GRK1: variants seen among roughly 807,000 people sequenced by gnomAD.
The protein encoded by GRK1 is rhodopsin kinase GRK1.
Under a neutral mutation model 41.7 loss-of-function variants are expected in GRK1, and 28 were observed. That is an observed-to-expected ratio of 0.67 (90% CI 0.50 to 0.92). The LOEUF is 0.92. Ranked by LOEUF, GRK1 falls within the 40% of genes least tolerant of loss-of-function variation. GRK1 has a pLI of 0.00. For missense variants in GRK1, 703 were observed against 671.2 expected (o/e 1.05, Z -0.52); for synonymous variants, 327 against 286.7 (o/e 1.14, Z -1.42).
At chr13:113,733,778 C>CGT in intron 6 of GRK1, among the ~76,000 whole-genome samples, 2 of 89,492 alleles carry the variant, frequency 2.2e-5, no homozygotes, top group East Asian at 2.6e-4. Flanking sequence ...TGTGTGCATA[C>CGT]GTGTGTGCAT....
Position 113,731,467 on chromosome 13 carries a change from G to C in GRK1, c.1194+124G>C. ...AGTTGTTCTGTGGGCCCTGGGGTGG[G>C]GAGGGCACAGATTCACGTGCTGGGG... On this transcript the variant is annotated intron_variant, in intron 5 of 6. Coordinates refer to ENST00000335678, the MANE Select transcript of GRK1 (RefSeq NM_002929.3). The surrounding 1 kb of genome is among the most constrained non-coding windows in gnomAD (Gnocchi z 5.6). 1.5e-6 allele frequency: 2 copies of C among 1,356,878 alleles called. No homozygotes were observed. Among genetic ancestry groups the C allele is most frequent in the Non-Finnish European group, 2.0e-6 (2 of 1,009,658 alleles). The allele number at this position is 1,356,878 out of a possible 1,614,324, so 84.1% of individuals were successfully genotyped here.
chr13:113,729,703 C>A lies in GRK1; in HGVS notation c.1070-1516C>A, dbSNP rs556993886. Among the ~76,000 whole-genome samples the A allele has an allele frequency of 1.2e-3, 187 of 152,314 alleles. 1 individual carries two copies. The Middle Eastern group carries it at 0.024, about 19-fold the overall frequency. ...AGAGCAGCTGCACACAGAGCTGTCC[C>A]TCCGCCCTCTGTCCTGTGACGGTCC... is the stretch of plus-strand genomic sequence containing the variant. On this transcript the variant is annotated intron_variant, in intron 4 of 6. Transcript: ENST00000335678.
intron 4 of GRK1, among the ~76,000 whole-genome samples, chr13:113,725,147 G>T (rs2049882921): frequency 6.6e-6 from 1 of 150,832 alleles, no homozygotes; most frequent in Non-Finnish European, 1.5e-5. Flanking sequence ...CGCAGGGTCC[G>T]CATCCTTCTT....
At chr13:113,723,306 G>C (rs1032053007) in intron 4 of GRK1, 149 bp downstream of exon 4, 2 of 512,178 alleles carry the variant, frequency 3.9e-6, no homozygotes, top group Non-Finnish European at 7.1e-6. Flanking sequence ...TTGTGCATTT[G>C]TGTGCATGTG....
At chr13:113,729,160 C>A (rs1389923048) in intron 4 of GRK1, among the ~76,000 whole-genome samples, 1 of 152,154 alleles carries the variant, frequency 6.6e-6, no homozygotes, top group Non-Finnish European at 1.5e-5. Flanking sequence ...CATATGTGAG[C>A]CTGGTGTGGC....
At chr13:113,658,830 A>G in the GRK1 span, among the ~76,000 whole-genome samples, 1 of 152,200 alleles carries the variant, frequency 6.6e-6, no homozygotes, top group South Asian at 2.1e-4. Flanking sequence ...CCATGGAGGA[A>G]TTCATAAACA....
intron 6 of GRK1, among the ~76,000 whole-genome samples, chr13:113,733,995 T>C (rs1395254321): frequency 8.1e-6 from 1 of 123,862 alleles, no homozygotes; most frequent in Non-Finnish European, 1.7e-5. Context: ...TGTGCATACA[T>C]GTGTGTGCGT....
chr13:113,668,179 G>C (rs377647549), intron 1 of GRK1, 94 bp downstream of exon 1: 3 of 1,339,798 alleles, frequency 2.2e-6, no homozygotes, highest in Non-Finnish European at 3.0e-6. Flanking sequence ...TGTCGGCTCC[G>C]GGGCCCTTAA....
At chr13:113,658,202 G>A in the GRK1 span, 2 of 1,494,906 alleles carry the variant, frequency 1.3e-6, no homozygotes, top group East Asian at 2.4e-5. Context: ...CCAGACTGAG[G>A]CCAGATGCCC....
At chr13:113,648,203 C>T in the GRK1 span, among the ~76,000 whole-genome samples, 7 of 152,368 alleles carry the variant, frequency 4.6e-5, no homozygotes, top group East Asian at 1.9e-4. Context: ...TTTTTACTGA[C>T]GGAGTAAGCA....
chr13:113,662,017 C>CA, the GRK1 span, among the ~76,000 whole-genome samples: 3 of 152,052 alleles, frequency 2.0e-5, no homozygotes, highest in African/African-American at 7.2e-5. Flanking sequence ...AAGGATAGTT[C>CA]AAAAAAGAGA....
intron 1 of GRK1, among the ~76,000 whole-genome samples, chr13:113,669,211 T>C (rs1436659268): frequency 2.0e-5 from 3 of 152,226 alleles, no homozygotes; most frequent in African/African-American, 7.2e-5. Context: ...GGATGTGCTA[T>C]CCTTATCCAG....
At chr13:113,653,226 A>C in the GRK1 span, 7 of 1,335,122 alleles carry the variant, frequency 5.2e-6, no homozygotes, top group Non-Finnish European at 2.1e-6. Context: ...GCTGCTTCAC[A>C]CCTCACCCAC....
In GRK1 at chr13:113,727,607, T is replaced by G. The variant is rs1374802583; in HGVS notation, c.1070-3612T>G. ...GAGGAGTACCCATGGCAATGAGGAG[T>G]ACCCATGGCGATGAGGACCCATGGC... is the stretch of plus-strand genomic sequence containing the variant. On this transcript the variant is annotated intron_variant, in intron 4 of 6. Coordinates refer to ENST00000335678, the MANE Select transcript of GRK1 (RefSeq NM_002929.3). Among the ~76,000 whole-genome samples the G allele has an allele frequency of 9.4e-4, 128 of 135,852 alleles. 1 individual carries two copies. Among genetic ancestry groups the G allele is most frequent in the Non-Finnish European group, 1.6e-3 (104 of 63,368 alleles). 89.1% of individuals were successfully genotyped at this position (135,852 alleles called of 152,430 possible).
the GRK1 span, chr13:113,650,335 T>C: frequency 7.0e-7 from 1 of 1,428,578 alleles, no homozygotes; most frequent in South Asian, 1.2e-5. This position sits in a 1 kb window ranked among gnomAD's most constrained non-coding sequence, Gnocchi z 5.0. Flanking sequence ...AGGGGCTTAT[T>C]GCTTTCCTTT....
chr13:113,669,546 T>C, intron 1 of GRK1, 141 bp from the exon 2 acceptor site: 1 of 970,358 alleles, frequency 1.0e-6, no homozygotes, highest in Non-Finnish European at 1.6e-6. Context: ...GCAATTGCTT[T>C]GTGAAAGGCG....
Position 113,671,605 on chromosome 13 carries a change from CG to C in GRK1, c.936del (p.Ile313SerfsTer73), listed in dbSNP as rs1310927979. The C allele has an allele frequency of 1.3e-6, 1 of 773,034 alleles. No individual in the cohort carries two copies. The highest frequency in any genetic ancestry group is 2.4e-6 in the Non-Finnish European group (1 of 417,850). The allele number at this position is 773,034 out of a possible 1,614,324, so 47.9% of individuals were successfully genotyped here. ...CGGCCTGGAGCACCTGCACCAGAGG[CG>C]GATCGTCTACCGCGACCTCAAGCCC... ...ICGLEHLHQRRIVYRDLKPEN... is the reference protein window; with the variant it reads ...ICGLEHLHQRXIVYRDLKPEN... On this transcript the variant is annotated frameshift_variant, in exon 3 of 7. Coordinates refer to ENST00000335678, the MANE Select transcript of GRK1 (RefSeq NM_002929.3). LOFTEE classifies it high-confidence loss of function. The surrounding 1 kb of genome is among the most constrained non-coding windows in gnomAD (Gnocchi z 4.1).
chr13:113,731,030 C>A lies in GRK1; in HGVS notation c.1070-189C>A. ...GCTGCTGTCACCCCACAGGCAGAGT[C>A]TGGGGTGCTGCTTGGCACCCAGTAA... is the stretch of plus-strand genomic sequence containing the variant. On this transcript the variant is annotated intron_variant, in intron 4 of 6. Coordinates refer to ENST00000335678, the MANE Select transcript of GRK1 (RefSeq NM_002929.3). This position sits in a 1 kb window ranked among gnomAD's most constrained non-coding sequence, Gnocchi z 5.6. 2.9e-6 allele frequency: 1 copy of A among 340,144 alleles called. No homozygotes were observed. Among genetic ancestry groups the A allele is most frequent in the Non-Finnish European group, 4.2e-6 (1 of 240,436 alleles). 21.1% of individuals were successfully genotyped at this position (340,144 alleles called of 1,614,324 possible).
At chr13:113,729,266 G>A (rs1009550435) in intron 4 of GRK1, among the ~76,000 whole-genome samples, 1 of 152,256 alleles carries the variant, frequency 6.6e-6, no homozygotes, top group Non-Finnish European at 1.5e-5. Flanking sequence ...ACAGATGTGC[G>A]AGCGAGGCTC....
Sources: gnomAD v4.1 joint callset for allele counts (sites outside exome capture counted in the v4.1 genomes callset) on GRCh38, gnomAD v4.1.1 for gene constraint, Gnocchi (gnomAD v3.1) non-coding constraint, MANE v1.5 for transcripts, NCBI Gene and HGNC (gene_info 2026-07-23, HGNC 2026-07-21) for gene names.